The following ZNF532 variants were observed in gnomAD, a reference collection of about 807,000 sequenced individuals.
ZNF532 encodes zinc finger protein 532.
In ZNF532, 22 loss-of-function variants were observed where a neutral mutation model predicts 89.3. The observed-to-expected ratio is 0.25, with a 90% CI of 0.18 to 0.35. ZNF532 has a LOEUF of 0.35. Among genes scored for constraint, ZNF532 ranks in the 10% least tolerant of loss-of-function variants. The pLI, the probability that ZNF532 is intolerant of heterozygous loss-of-function variation, is 1.00. For missense variants in ZNF532, 1,132 were observed against 1,643.4 expected, an observed-to-expected ratio of 0.69 and a Z score of 5.38; for synonymous variants, 606 against 649.6, an observed-to-expected ratio of 0.93 and a Z score of 1.02.
chr18:58,913,505 C>A (rs1223106109), intron 2 of ZNF532, among the ~76,000 whole-genome samples: 1 of 151,936 alleles, frequency 6.6e-6, no homozygotes, highest in East Asian at 1.9e-4. Context: ...AATCCTGGCA[C>A]TTTGGGAGGC....
chr18:58,975,406 T>TC (rs929084796), intron 7 of ZNF532, among the ~76,000 whole-genome samples: 2 of 152,058 alleles, frequency 1.3e-5, no homozygotes, highest in African/African-American at 4.8e-5. Context: ...CCCTCTAACT[T>TC]CCCCAAAGTC....
At chr18:58,874,184 TG>T (rs2057236468) in intron 2 of ZNF532, among the ~76,000 whole-genome samples, 1 of 152,308 alleles carries the variant, frequency 6.6e-6, no homozygotes, top group East Asian at 1.9e-4. Context: ...ACAGACTGTG[TG>T]TCTCCTCCTT....
chr18:58,901,590 G>A (rs2059604372), intron 2 of ZNF532, among the ~76,000 whole-genome samples: 1 of 152,170 alleles, frequency 6.6e-6, no homozygotes, highest in African/African-American at 2.4e-5. Flanking sequence ...GCACTGGTGT[G>A]GGTAATTTTG....
chr18:58,979,304 C>G (rs2067425149), intron 8 of ZNF532, 137 bp downstream of exon 8: 3 of 551,536 alleles, frequency 5.4e-6, no homozygotes, highest in Middle Eastern at 2.9e-4. Flanking sequence ...ATTGTTTTGG[C>G]ATAGAGTTTT....
At chr18:58,953,847 T>C (rs766046972) in intron 7 of ZNF532, 48 bp downstream of exon 7, 7 of 1,554,754 alleles carry the variant, frequency 4.5e-6, no homozygotes, top group Middle Eastern at 1.7e-4. Flanking sequence ...GAGAGGGCAC[T>C]GGACTGGCAA....
At chr18:58,888,889 T>TATATATATA (rs1555709716) in intron 2 of ZNF532, among the ~76,000 whole-genome samples, 1 of 39,438 alleles carries the variant, frequency 2.5e-5, no homozygotes, top group African/African-American at 1.2e-4. Flanking sequence ...TATATATATA[T>TATATATATA]TTTATATATA....
At chr18:58,882,468 G>T (rs936636363) in intron 2 of ZNF532, among the ~76,000 whole-genome samples, 3 of 152,188 alleles carry the variant, frequency 2.0e-5, no homozygotes, top group Non-Finnish European at 4.4e-5. Context: ...AAGAGGCAGG[G>T]TCTTGCTCTG....
intron 4 of ZNF532, among the ~76,000 whole-genome samples, chr18:58,935,660 A>C (rs1043548583): frequency 1.3e-5 from 2 of 151,138 alleles, no homozygotes; most frequent in Admixed American, 1.3e-4. Context: ...ATATATATGA[A>C]CTTTTCTCTC....
In ZNF532 at chr18:58,948,856, C is replaced by T. The variant is rs910251088; in HGVS notation, c.2868+627C>T. On this transcript the variant is annotated intron_variant, in intron 6 of 9. Transcript: ENST00000591808. ...ATAGGCATGAGCCACCGCGCCTGGCCGAAGTTTTTCTTTTCTTGAGAATTC... is the reference window on the plus strand; with the variant it reads ...ATAGGCATGAGCCACCGCGCCTGGCTGAAGTTTTTCTTTTCTTGAGAATTC... 3.9e-5 allele frequency among the ~76,000 whole-genome samples: 6 copies of T among 152,184 alleles called. No homozygotes were observed. In the East Asian group the frequency reaches 5.8e-4, roughly 15 times the overall value.
intron 2 of ZNF532, among the ~76,000 whole-genome samples, chr18:58,896,988 A>G (rs2059293019): frequency 6.6e-6 from 1 of 152,212 alleles, no homozygotes; most frequent in Non-Finnish European, 1.5e-5. Context: ...CGCTCTTCAA[A>G]GGGCTGTGGT....
intron 2 of ZNF532, among the ~76,000 whole-genome samples, chr18:58,906,979 A>T (rs907945975): frequency 6.6e-6 from 1 of 152,204 alleles, no homozygotes; most frequent in African/African-American, 2.4e-5. Context: ...CAAATGTCAG[A>T]GTTTTGCATT....
At chr18:58,947,525 T>G (rs953215435) in intron 5 of ZNF532, among the ~76,000 whole-genome samples, 1 of 152,258 alleles carries the variant, frequency 6.6e-6, no homozygotes, top group Non-Finnish European at 1.5e-5. Context: ...TTTCTTGATT[T>G]TACTGTATAT....
chr18:58,974,708 C>G (rs2066848347), intron 7 of ZNF532, among the ~76,000 whole-genome samples: 1 of 152,216 alleles, frequency 6.6e-6, no homozygotes, highest in Admixed American at 6.5e-5. Context: ...GCCTCCCTCT[C>G]AACTGTGGGT....
chr18:58,949,567 T>G (rs2063967617), intron 6 of ZNF532, among the ~76,000 whole-genome samples: 1 of 152,142 alleles, frequency 6.6e-6, no homozygotes, highest in African/African-American at 2.4e-5. Context: ...TCCTAGCTAC[T>G]TGGGAGGCTG....
chr18:58,937,184 T>C (rs894809194), intron 4 of ZNF532, among the ~76,000 whole-genome samples: 3 of 152,184 alleles, frequency 2.0e-5, no homozygotes, highest in Non-Finnish European at 4.4e-5. Flanking sequence ...AAAGAAACTT[T>C]ATTGCTATCC....
At chr18:58,903,024 A>G (rs182799084) in intron 2 of ZNF532, among the ~76,000 whole-genome samples, 41 of 152,234 alleles carry the variant, frequency 2.7e-4, no homozygotes, top group African/African-American at 9.4e-4. Flanking sequence ...TTCCCATTTA[A>G]TTTTTAGAAA....
rs555464518 is a variant in ZNF532, at chr18:58,868,983, C to T, written c.-18+3404C>T. Among the ~76,000 whole-genome samples the T allele has an allele frequency of 7.9e-5, 12 of 152,288 alleles. 1 individual carries two copies. In the South Asian group the frequency reaches 2.3e-3, roughly 29 times the overall value. ...GGTTGTAAACCTATACAGCATCTTA[C>T]TGTACTGCATACTGTAGGCAGTTTT... On this transcript the variant is annotated intron_variant, in intron 2 of 9. Coordinates refer to ENST00000591808, the MANE Select transcript of ZNF532 (RefSeq NM_001375912.1).
At chr18:58,917,793 T>C (rs942660883) in intron 2 of ZNF532, among the ~76,000 whole-genome samples, 1 of 152,156 alleles carries the variant, frequency 6.6e-6, no homozygotes, top group Non-Finnish European at 1.5e-5. Context: ...TGTGGATGAA[T>C]ATTGAAATCT....
intron 7 of ZNF532, among the ~76,000 whole-genome samples, chr18:58,967,254 G>A (rs565097045): frequency 6.2e-4 from 95 of 152,126 alleles, no homozygotes; most frequent in Non-Finnish European, 1.5e-4. Flanking sequence ...AGCTTTCCCC[G>A]ATAGACCCTA....
Sources: allele counts gnomAD v4.1 joint callset (sites outside exome capture counted in the v4.1 genomes callset), GRCh38; gene constraint gnomAD v4.1.1; transcripts MANE v1.5; gene names NCBI Gene and HGNC (gene_info 2026-07-23, HGNC 2026-07-21).